Variants in CAMK1D observed in about 807,000 individuals in gnomAD.
CAMK1D encodes calcium/calmodulin dependent protein kinase ID.
A neutral mutation model predicts 47.7 loss-of-function variants in CAMK1D; 9 were observed. The ratio of observed to expected loss-of-function variants is 0.19; its 90% CI spans 0.11 to 0.33. CAMK1D has a LOEUF of 0.33. Ranked by LOEUF, CAMK1D falls within the 10% of genes least tolerant of loss-of-function variation. CAMK1D has a pLI of 1.00. For missense variants in CAMK1D, 291 were observed against 488.7 expected (o/e 0.60, Z 3.81); for synonymous variants, 184 against 184.9 (o/e 0.99, Z 0.04).
At chr10:12,591,328 G>A (rs996532487) in intron 2 of CAMK1D, among the ~76,000 whole-genome samples, 6 of 152,208 alleles carry the variant, frequency 3.9e-5, no homozygotes, top group East Asian at 3.9e-4. Context: ...AATTTTTGTC[G>A]TGACTTCCAA....
chr10:12,372,138 A>G (rs561676859), intron 1 of CAMK1D, among the ~76,000 whole-genome samples: 1 of 152,324 alleles, frequency 6.6e-6, no homozygotes, highest in East Asian at 1.9e-4. Flanking sequence ...CTAGGTGTGT[A>G]GTAGGCCATA....
intron 6 of CAMK1D, among the ~76,000 whole-genome samples, chr10:12,793,456 C>T (rs1838068740): frequency 6.6e-6 from 1 of 152,194 alleles, no homozygotes. Context: ...CTGGGATAAG[C>T]AGTTTAAAAC....
intron 2 of CAMK1D, among the ~76,000 whole-genome samples, chr10:12,559,404 C>A (rs927475885): frequency 1.1e-4 from 16 of 152,290 alleles, no homozygotes; most frequent in African/African-American, 3.9e-4. Flanking sequence ...GCATCTCCCC[C>A]ACCCGCCACC....
In CAMK1D at chr10:12,729,094, A is replaced by G. The variant is rs12255863; in HGVS notation, c.300-31854A>G. On this transcript the variant is annotated intron_variant, in intron 3 of 10. Transcript: ENST00000619168. ...GCGTCATGCTGTCCTTTGTGCCTTCATGTCATCGTGGTTGGGCACCATAGA... is the reference window on the plus strand; with the variant it reads ...GCGTCATGCTGTCCTTTGTGCCTTCGTGTCATCGTGGTTGGGCACCATAGA... Among the ~76,000 whole-genome samples the G allele has an allele frequency of 5.5e-3, 832 of 152,316 alleles. 9 individuals are homozygous for G. The highest frequency in any genetic ancestry group is 0.018 in the African/African-American group (759 of 41,560).
chr10:12,357,822 G>A (rs1481347716), intron 1 of CAMK1D, among the ~76,000 whole-genome samples: 1 of 152,120 alleles, frequency 6.6e-6, no homozygotes, highest in Non-Finnish European at 1.5e-5. Context: ...TGTGGTGAGG[G>A]AGATTTCTTT....
At chr10:12,520,398 T>A (rs1259275789) in intron 1 of CAMK1D, among the ~76,000 whole-genome samples, 2 of 92,116 alleles carry the variant, frequency 2.2e-5, no homozygotes, top group Non-Finnish European at 4.6e-5. Flanking sequence ...GCTCCTCACT[T>A]CTTAGATGGG....
intron 2 of CAMK1D, among the ~76,000 whole-genome samples, chr10:12,616,861 G>A (rs578041571): frequency 6.6e-6 from 1 of 152,264 alleles, no homozygotes; most frequent in East Asian, 1.9e-4. Flanking sequence ...GAGGCAGGGC[G>A]GGAACCGAGG....
intron 1 of CAMK1D, among the ~76,000 whole-genome samples, chr10:12,367,321 GT>G (rs1837866271): frequency 6.6e-6 from 1 of 152,006 alleles, no homozygotes. Flanking sequence ...AATTCTTGAG[GT>G]TAGATCAGTG....
chr10:12,695,776 G>A (rs1329358498), intron 3 of CAMK1D, among the ~76,000 whole-genome samples: 2 of 152,042 alleles, frequency 1.3e-5, no homozygotes, highest in Non-Finnish European at 2.9e-5. Context: ...AATGTAGTCA[G>A]TTAAAAAATA....
intron 1 of CAMK1D, among the ~76,000 whole-genome samples, chr10:12,460,460 T>C (rs1470605349): frequency 6.6e-6 from 1 of 152,058 alleles, no homozygotes; most frequent in Admixed American, 6.6e-5. Context: ...TTTGAAATAG[T>C]CTTGCACTGT....
chr10:12,470,249 G>A (rs1402184729), intron 1 of CAMK1D, among the ~76,000 whole-genome samples: 1 of 152,274 alleles, frequency 6.6e-6, no homozygotes, highest in African/African-American at 2.4e-5. Flanking sequence ...TTAGGAAAGT[G>A]TGCCATGCCA....
chr10:12,456,085 C>A (rs893649063), intron 1 of CAMK1D, among the ~76,000 whole-genome samples: 3 of 152,164 alleles, frequency 2.0e-5, no homozygotes, highest in African/African-American at 4.8e-5. Context: ...ATCGCTTCTG[C>A]AGATAGGCAC....
chr10:12,480,324 A>C (rs1834026181), intron 1 of CAMK1D, among the ~76,000 whole-genome samples: 1 of 151,870 alleles, frequency 6.6e-6, no homozygotes, highest in Non-Finnish European at 1.5e-5. Context: ...AATCTCAGCT[A>C]CTCGGGAGGC....
intron 2 of CAMK1D, among the ~76,000 whole-genome samples, chr10:12,605,560 C>G (rs1251932391): frequency 6.6e-6 from 1 of 152,126 alleles, no homozygotes; most frequent in Non-Finnish European, 1.5e-5. Context: ...CTTCGCCACC[C>G]TCTTCTCTGT....
At chr10:12,647,214 G>A (rs78298089) in intron 2 of CAMK1D, among the ~76,000 whole-genome samples, 9 of 141,412 alleles carry the variant, frequency 6.4e-5, no homozygotes, top group African/African-American at 2.3e-4. Flanking sequence ...GCAGTGACGC[G>A]ATCTTGGCTC....
intron 1 of CAMK1D, among the ~76,000 whole-genome samples, chr10:12,361,246 C>CTTTTTTTTT (rs1246719698): frequency 1.2e-5 from 1 of 86,684 alleles, no homozygotes; most frequent in Non-Finnish European, 2.3e-5. Context: ...TCCTATTTGA[C>CTTTTTTTTT]TGTTTTTTTT....
rs1261157919 is a variant in CAMK1D, at chr10:12,749,528, TTTG to T, written c.300-11417_300-11415del. On this transcript the variant is annotated intron_variant, in intron 3 of 10. Coordinates refer to ENST00000619168, the MANE Select transcript of CAMK1D (RefSeq NM_153498.4). The stretch of plus-strand genomic sequence containing the variant: ...CTGGAACACATAGAAAGTGTGGATG[TTTG>T]TTTGTTTGTTTGTTTGTTTTTTGTT... Among the ~76,000 whole-genome samples, 202 of 135,812 alleles carry T rather than the reference TTTG, an allele frequency of 1.5e-3. 3 individuals carry two copies. The highest frequency in any genetic ancestry group is 5.7e-3 in the African/African-American group (196 of 34,150). 89.1% of individuals were successfully genotyped at this position (135,812 alleles called of 152,430 possible). A position where few individuals can be genotyped will look rare whatever the true frequency, so the allele number is the denominator to read the frequency against.
At chr10:12,656,484 A>C (rs1262980775) in intron 2 of CAMK1D, among the ~76,000 whole-genome samples, 1 of 151,812 alleles carries the variant, frequency 6.6e-6, no homozygotes, top group African/African-American at 2.4e-5. Context: ...GGAGTGAGAG[A>C]CCCTGTTTCA....
chr10:12,630,751 G>A (rs1344605784), intron 2 of CAMK1D, among the ~76,000 whole-genome samples: 2 of 152,040 alleles, frequency 1.3e-5, no homozygotes, highest in African/African-American at 4.8e-5. Flanking sequence ...TACCAGTGGA[G>A]CTTTCCTTGT....
Sources: gnomAD v4.1 joint callset for allele counts (sites outside exome capture counted in the v4.1 genomes callset) on GRCh38, gnomAD v4.1.1 for gene constraint, MANE v1.5 for transcripts, NCBI Gene and HGNC (gene_info 2026-07-23, HGNC 2026-07-21) for gene names.